PDE11A: variants seen among roughly 807,000 people sequenced by gnomAD.
The protein encoded by PDE11A is dual 3',5'-cyclic-AMP and -GMP phosphodiesterase 11A.
In PDE11A, 100 loss-of-function variants were observed where a neutral mutation model predicts 100.5. The ratio of observed to expected loss-of-function variants is 1.00; its 90% CI spans 0.85 to 1.18. The LOEUF (loss-of-function observed/expected upper bound fraction) is 1.18, where lower values mean the gene tolerates loss of function less well. Among genes scored for constraint, PDE11A ranks in the 50% most tolerant of loss-of-function variants. PDE11A has a pLI of 0.00. For missense variants in PDE11A, 1,141 were observed against 1,152.6 expected, an observed-to-expected ratio of 0.99 and a Z score of 0.15; for synonymous variants, 381 against 420.8, an observed-to-expected ratio of 0.91 and a Z score of 1.16.
chr2:177,644,739 G>A (rs558057485), intron 19 of PDE11A, among the ~76,000 whole-genome samples: 3 of 152,286 alleles, frequency 2.0e-5, no homozygotes, highest in South Asian at 2.1e-4. Context: ...ATCTCATCTT[G>A]AATTGTAACT....
intron 19 of PDE11A, 25 bp downstream of exon 19, chr2:177,663,841 T>C (rs1406468412): frequency 7.8e-7 from 1 of 1,281,912 alleles, no homozygotes; most frequent in Non-Finnish European, 1.1e-6. Context: ...AGTCAGAACA[T>C]GTAGGCCCTC....
At chr2:177,682,056 A>G (rs2080873555) in intron 15 of PDE11A, among the ~76,000 whole-genome samples, 1 of 152,164 alleles carries the variant, frequency 6.6e-6, no homozygotes. Flanking sequence ...GATAAGAAAC[A>G]TTTACAATTT....
intron 19 of PDE11A, among the ~76,000 whole-genome samples, chr2:177,637,832 C>T (rs890360158): frequency 5.3e-5 from 8 of 150,338 alleles, no homozygotes; most frequent in Non-Finnish European, 4.4e-5. Flanking sequence ...GTTTCTGTTG[C>T]GTCACTGAGT....
At position 177,675,470 on chromosome 2, in the gene PDE11A, C is replaced by G; in HGVS notation, c.2472G>C (p.Trp824Cys). Residue 824 changes from tryptophan (W) to cysteine (C), a missense_variant, in exon 17 of 20, where the codon TGG (tryptophan) becomes TGC (cysteine). Physicochemically the swap from Trp to Cys is radical, Grantham distance 215. Transcript: ENST00000286063. ...ACDLGAVTKP[W>C]EISRQVAELV... ...CACCACTTGCCTGTCTGGAGATCTC[C>G]CACGGTTTGGTCACGGCTCCAAGGT... 1 of 1,613,260 alleles carries G rather than the reference C, an allele frequency of 6.2e-7. No homozygotes were observed. Among genetic ancestry groups the G allele is most frequent in the Non-Finnish European group, 8.5e-7 (1 of 1,179,384 alleles).
chr2:177,706,985 G>C (rs16865698), intron 13 of PDE11A, among the ~76,000 whole-genome samples: 14,941 of 151,942 alleles, frequency 0.098, 2,407 homozygotes, highest in African/African-American at 0.34. Flanking sequence ...TCTTTGAACT[G>C]TTGGATGTCA....
intron 1 of PDE11A, among the ~76,000 whole-genome samples, chr2:178,026,084 T>C (rs2086474522): frequency 6.6e-6 from 1 of 152,022 alleles, no homozygotes; most frequent in Non-Finnish European, 1.5e-5. Flanking sequence ...CATTGGAGAC[T>C]TGGTCTCACC....
In PDE11A at chr2:177,875,847, C is replaced by T. The variant is rs758697693; in HGVS notation, c.1367+12G>A. ...AGAACATCAAAAGACCCATGAACCCCACAAGCCCTACCTGTTCTCAGCATC... is the reference window on the plus strand; with the variant it reads ...AGAACATCAAAAGACCCATGAACCCTACAAGCCCTACCTGTTCTCAGCATC... On this transcript the variant is annotated intron_variant, in intron 5 of 19. Transcript: ENST00000286063. 2 of 1,595,588 alleles carry T rather than the reference C, an allele frequency of 1.3e-6. No individual in the cohort carries two copies. Among genetic ancestry groups the T allele is most frequent in the Non-Finnish European group, 8.6e-7 (1 of 1,163,124 alleles).
intron 2 of PDE11A, among the ~76,000 whole-genome samples, chr2:177,974,406 G>T (rs1224337652): frequency 1.6e-5 from 1 of 63,774 alleles, no homozygotes; most frequent in Non-Finnish European, 2.6e-5. Flanking sequence ...AAAAAGAAAT[G>T]AGCAAAGCCT....
At chr2:177,900,767 G>GAAAGA (rs2084682618) in intron 3 of PDE11A, among the ~76,000 whole-genome samples, 1 of 151,614 alleles carries the variant, frequency 6.6e-6, no homozygotes. Context: ...CAAAAAAAAA[G>GAAAGA]AAAGAAAAGA....
At chr2:178,006,852 A>G (rs71423539) in intron 2 of PDE11A, among the ~76,000 whole-genome samples, 8,171 of 151,692 alleles carry the variant, frequency 0.054, 288 homozygotes, top group South Asian at 0.089. Context: ...ATGCATTCCA[A>G]CCAAAGATGT....
At chr2:177,985,946 A>G (rs1312701112) in intron 2 of PDE11A, among the ~76,000 whole-genome samples, 1 of 152,244 alleles carries the variant, frequency 6.6e-6, no homozygotes, top group Non-Finnish European at 1.5e-5. Flanking sequence ...CCTTTTATCT[A>G]GAACAAGTTC....
At chr2:177,677,698 T>C (rs548234893) in intron 16 of PDE11A, among the ~76,000 whole-genome samples, 1 of 152,164 alleles carries the variant, frequency 6.6e-6, no homozygotes, top group Non-Finnish European at 1.5e-5. Context: ...GGCACAGGGA[T>C]GGAAGATTGC....
intron 5 of PDE11A, among the ~76,000 whole-genome samples, chr2:177,851,588 T>C (rs1358301281): frequency 6.6e-6 from 1 of 152,160 alleles, no homozygotes; most frequent in Non-Finnish European, 1.5e-5. Flanking sequence ...TAGTAAATAA[T>C]AGAGCTGACG....
intron 9 of PDE11A, among the ~76,000 whole-genome samples, 162 bp downstream of exon 9, chr2:177,816,665 TTG>T (rs1439079794): frequency 6.6e-6 from 1 of 152,182 alleles, no homozygotes; most frequent in East Asian, 1.9e-4. Flanking sequence ...ATATGCAACA[TTG>T]TGTTTCTCTG....
At chr2:177,766,142 C>A (rs1383922178) in intron 10 of PDE11A, among the ~76,000 whole-genome samples, 1 of 152,048 alleles carries the variant, frequency 6.6e-6, no homozygotes, top group Non-Finnish European at 1.5e-5. Flanking sequence ...TTTCCATGGA[C>A]CTGGGAGGGG....
chr2:177,725,413 C>T (rs1574081788), intron 12 of PDE11A, among the ~76,000 whole-genome samples: 1 of 152,028 alleles, frequency 6.6e-6, no homozygotes, highest in Non-Finnish European at 1.5e-5. Context: ...GATGTGGCTA[C>T]TCAATACAAT....
At chr2:177,886,749 C>T (rs1315410579) in intron 4 of PDE11A, among the ~76,000 whole-genome samples, 2 of 152,036 alleles carry the variant, frequency 1.3e-5, no homozygotes, top group South Asian at 2.1e-4. Context: ...AGAGATGGTG[C>T]TATAAGTTCA....
At chr2:178,095,453 G>A (rs1393578390) in intron 2 of PDE11A, among the ~76,000 whole-genome samples, 1 of 152,236 alleles carries the variant, frequency 6.6e-6, no homozygotes, top group Non-Finnish European at 1.5e-5. Context: ...CTCCACCCCT[G>A]TGGCTTTGCA....
chr2:178,011,898 T>C (rs1559041540), intron 2 of PDE11A: 1 of 152,186 alleles, frequency 6.6e-6, no homozygotes, highest in African/African-American at 2.4e-5. Context: ...TCAACCCAGA[T>C]AGACTCACCA....
Sources: gnomAD v4.1 joint callset for allele counts (sites outside exome capture counted in the v4.1 genomes callset) on GRCh38, gnomAD v4.1.1 for gene constraint, MANE v1.5 for transcripts, NCBI Gene and HGNC (gene_info 2026-07-23, HGNC 2026-07-21) for gene names.